OCA2: variants seen among roughly 807,000 people sequenced by gnomAD.
The protein encoded by OCA2 is OCA2 melanosomal transmembrane protein.
In OCA2, 77 loss-of-function variants were observed where a neutral mutation model predicts 100.2. That is an observed-to-expected ratio of 0.77 (90% CI 0.64 to 0.93). The LOEUF (loss-of-function observed/expected upper bound fraction) is 0.93. OCA2 is among the 40% of genes least tolerant of loss of function. The pLI is 0.00. For synonymous variants in OCA2, 432 were observed against 439.2 expected (o/e 0.98, Z 0.21); for missense variants, 1,062 against 1,089.1 (o/e 0.98, Z 0.35).
At chr15:27,944,650 T>C (rs979396971) in intron 18 of OCA2, among the ~76,000 whole-genome samples, 2 of 152,132 alleles carry the variant, frequency 1.3e-5, no homozygotes, top group Non-Finnish European at 2.9e-5. Context: ...GAAATGACTC[T>C]GCATGCAGGA....
chr15:28,000,746 A>T (rs2041900479), intron 9 of OCA2, among the ~76,000 whole-genome samples: 1 of 152,196 alleles, frequency 6.6e-6, no homozygotes, highest in Admixed American at 6.5e-5. Context: ...ATATGTAAGG[A>T]ACTCATACGA....
At chr15:27,827,027 G>C (rs1326954823) in intron 23 of OCA2, among the ~76,000 whole-genome samples, 1 of 152,228 alleles carries the variant, frequency 6.6e-6, no homozygotes, top group African/African-American at 2.4e-5. Flanking sequence ...AGCCTGCCCT[G>C]TGGGGCTCAG....
At chr15:27,848,067 G>A (rs775594809) in intron 22 of OCA2, among the ~76,000 whole-genome samples, 2 of 152,194 alleles carry the variant, frequency 1.3e-5, no homozygotes, top group African/African-American at 2.4e-5. Context: ...GGACCCCTAT[G>A]TTTTCTGAGG....
intron 18 of OCA2, among the ~76,000 whole-genome samples, chr15:27,939,250 T>C (rs973641839): frequency 6.6e-6 from 1 of 152,376 alleles, no homozygotes; most frequent in Admixed American, 6.5e-5. Flanking sequence ...TAGGTCTCAA[T>C]ATCAAATGAT....
intron 23 of OCA2, among the ~76,000 whole-genome samples, chr15:27,785,139 A>G (rs2032744932): frequency 6.6e-6 from 1 of 152,242 alleles, no homozygotes; most frequent in South Asian, 2.1e-4. Flanking sequence ...AACTTGTCAG[A>G]CTATGCAAGC....
intron 2 of OCA2, among the ~76,000 whole-genome samples, chr15:28,056,236 T>C (rs72712677): frequency 0.1 from 15,352 of 152,260 alleles, 1,049 homozygotes; most frequent in African/African-American, 0.19. Context: ...CGTTTTCATA[T>C]GCAGAGAAGT....
chr15:27,927,358 G>A (rs779716740), intron 18 of OCA2, among the ~76,000 whole-genome samples: 2 of 152,172 alleles, frequency 1.3e-5, no homozygotes, highest in African/African-American at 2.4e-5. Flanking sequence ...ATGTGTAGTA[G>A]TATGCTAGTG....
chr15:27,755,731 C>T (rs780483217), intron 23 of OCA2, among the ~76,000 whole-genome samples: 2 of 152,126 alleles, frequency 1.3e-5, no homozygotes, highest in African/African-American at 2.4e-5. Flanking sequence ...TATATGGAGC[C>T]TCTGTTTGTT....
intron 23 of OCA2, among the ~76,000 whole-genome samples, chr15:27,757,314 T>C (rs1258922882): frequency 2.6e-5 from 4 of 152,254 alleles, no homozygotes; most frequent in Admixed American, 2.0e-4. Flanking sequence ...CTGCCATTAG[T>C]AGGTAAATGA....
chr15:27,926,316 T>G (rs1390635311), intron 18 of OCA2, 62 bp from the exon 19 acceptor site: 14 of 1,589,698 alleles, frequency 8.8e-6, no homozygotes, highest in Middle Eastern at 3.5e-4. Context: ...ATTCATTTCT[T>G]TAACCTCTGG....
intron 19 of OCA2, among the ~76,000 whole-genome samples, chr15:27,907,060 C>T (rs1317810117): frequency 6.6e-6 from 1 of 152,188 alleles, no homozygotes; most frequent in Non-Finnish European, 1.5e-5. Context: ...GCCACCATGA[C>T]CCAAACACCT....
At chr15:28,021,159 C>T (rs1389424016) in intron 6 of OCA2, among the ~76,000 whole-genome samples, 1 of 152,212 alleles carries the variant, frequency 6.6e-6, no homozygotes, top group Non-Finnish European at 1.5e-5. Context: ...GATCAGAGCA[C>T]TGCATCGGAG....
Position 28,043,007 on chromosome 15 carries a change from A to G in OCA2, c.228-10844T>C, listed in dbSNP as rs1368373952. Among the ~76,000 whole-genome samples, 1 of 152,230 alleles carries G rather than the reference A, an allele frequency of 6.6e-6. No homozygotes were observed. Among genetic ancestry groups the G allele is most frequent in the Non-Finnish European group, 1.5e-5 (1 of 68,042 alleles). On this transcript the variant is annotated intron_variant, in intron 2 of 23. Coordinates refer to ENST00000354638, the MANE Select transcript of OCA2 (RefSeq NM_000275.3). This position sits in a 1 kb window ranked among gnomAD's most constrained non-coding sequence, Gnocchi z 4.4. The stretch of plus-strand genomic sequence containing the variant: ...AATTAATATTTTTAAGAGAATGTCT[A>G]CAAACTGTTTTTAAAATGCTTCCAG...
chr15:27,977,655 G>C (rs946026879), intron 14 of OCA2, among the ~76,000 whole-genome samples: 1 of 152,250 alleles, frequency 6.6e-6, no homozygotes, highest in Non-Finnish European at 1.5e-5. Context: ...GTGTTTCCCC[G>C]AAAGTACTGT....
intron 9 of OCA2, among the ~76,000 whole-genome samples, chr15:27,996,771 T>C (rs1300582511): frequency 6.6e-6 from 1 of 151,654 alleles, no homozygotes; most frequent in Admixed American, 6.6e-5. Flanking sequence ...AACAGACCAA[T>C]AAGAAGTAAG....
intron 19 of OCA2, among the ~76,000 whole-genome samples, chr15:27,921,413 G>C (rs577953006): frequency 8.6e-4 from 131 of 152,256 alleles, no homozygotes; most frequent in African/African-American, 3.1e-3. Flanking sequence ...GAGAGAATTT[G>C]TTTCCAAAAG....
At chr15:27,791,273 A>C (rs1381363308) in intron 23 of OCA2, among the ~76,000 whole-genome samples, 1 of 152,218 alleles carries the variant, frequency 6.6e-6, no homozygotes, top group Non-Finnish European at 1.5e-5. Context: ...GAGGGAAAAC[A>C]ATTGACTTTC....
chr15:27,817,360 C>T lies in OCA2; in HGVS notation c.2432+27599G>A, dbSNP rs185209333. Among the ~76,000 whole-genome samples, 646 of 152,262 alleles carry T rather than the reference C, an allele frequency of 4.2e-3. 6 individuals carry two copies. Among genetic ancestry groups the T allele is most frequent in the African/African-American group, 0.015 (624 of 41,552 alleles). ...ATCTGCTGCCTGTTGCCCCAGAATC[C>T]GGCAGACCCTGTTACAAGATTACAG... On this transcript the variant is annotated intron_variant, in intron 23 of 23. Coordinates refer to ENST00000354638, the MANE Select transcript of OCA2 (RefSeq NM_000275.3).
chr15:27,798,816 G>A (rs373836629), intron 23 of OCA2, among the ~76,000 whole-genome samples: 2 of 152,298 alleles, frequency 1.3e-5, no homozygotes, highest in Admixed American at 6.5e-5. Flanking sequence ...GAAATGTTCC[G>A]GGTTTTTGGA....
Sources: allele counts gnomAD v4.1 joint callset (sites outside exome capture counted in the v4.1 genomes callset), GRCh38; gene constraint gnomAD v4.1.1; non-coding constraint Gnocchi (gnomAD v3.1); transcripts MANE v1.5; gene names NCBI Gene and HGNC (gene_info 2026-07-23, HGNC 2026-07-21).